CNTN6: variants seen among roughly 807,000 people sequenced by gnomAD.
CNTN6 encodes the protein contactin 6.
CNTN6 carries 137 observed loss-of-function variants against 122.8 expected under a neutral mutation model. The observed-to-expected ratio is 1.12, with a 90% CI of 0.97 to 1.29. The LOEUF is 1.29. CNTN6 is among the 50% of genes most tolerant of loss of function. The pLI is 0.00. For missense variants in CNTN6, 1,634 were observed against 1,223.4 expected (o/e 1.34, Z -5.01); for synonymous variants, 570 against 426.0 (o/e 1.34, Z -4.16).
chr3:1,261,211 C>T (rs2125707474), intron 4 of CNTN6, among the ~76,000 whole-genome samples: 1 of 152,246 alleles, frequency 6.6e-6, no homozygotes, highest in South Asian at 2.1e-4. Context: ...AGCACAATCT[C>T]TTTGGCTTTC....
chr3:1,309,055 T>G (rs1444723987), intron 7 of CNTN6, among the ~76,000 whole-genome samples: 1 of 152,198 alleles, frequency 6.6e-6, no homozygotes, highest in Non-Finnish European at 1.5e-5. Flanking sequence ...ATATGCGTTT[T>G]GCCAATATTT....
intron 1 of CNTN6, among the ~76,000 whole-genome samples, chr3:1,135,004 G>A (rs548461543): frequency 1.4e-3 from 206 of 152,114 alleles, no homozygotes; most frequent in African/African-American, 4.8e-3. Flanking sequence ...AAGGGCTGAG[G>A]AATGAGGTTG....
intron 2 of CNTN6, among the ~76,000 whole-genome samples, chr3:1,186,360 C>T (rs900650992): frequency 6.6e-6 from 1 of 152,040 alleles, no homozygotes; most frequent in Non-Finnish European, 1.5e-5. Context: ...GATGGCTTCA[C>T]ACACTGCAAC....
chr3:1,125,451 G>A (rs1462936466), intron 1 of CNTN6, among the ~76,000 whole-genome samples: 2 of 151,796 alleles, frequency 1.3e-5, no homozygotes, highest in Admixed American at 1.3e-4. Flanking sequence ...AATTGCTGGT[G>A]TTCCCTGGCA....
chr3:1,315,808 C>A lies in CNTN6; in HGVS notation c.762-5842C>A, dbSNP rs1011876739. Among the ~76,000 whole-genome samples, 5 of 151,798 alleles carry A rather than the reference C, an allele frequency of 3.3e-5. No individual in the cohort carries two copies. In the Admixed American group the frequency reaches 3.3e-4, roughly 10 times the overall value. The stretch of plus-strand genomic sequence containing the variant: ...ATGAAGTGAACATGACTACTATGAT[C>A]AAGGTTGTATCTCCATAGCAGCTAG... On this transcript the variant is annotated intron_variant, in intron 7 of 22. Coordinates refer to ENST00000446702, the MANE Select transcript of CNTN6 (RefSeq NM_001289080.2).
chr3:1,267,562 T>A (rs2094946103), intron 4 of CNTN6, among the ~76,000 whole-genome samples: 1 of 152,178 alleles, frequency 6.6e-6, no homozygotes, highest in Non-Finnish European at 1.5e-5. Context: ...CCATCAAATA[T>A]TTAACCAAAA....
At chr3:1,351,474 C>T (rs958504917) in intron 11 of CNTN6, among the ~76,000 whole-genome samples, 2 of 150,784 alleles carry the variant, frequency 1.3e-5, no homozygotes, top group South Asian at 2.1e-4. Context: ...TAAAATTGGA[C>T]GAATATTTTT....
chr3:1,282,473 G>A (rs1163076869), intron 5 of CNTN6, among the ~76,000 whole-genome samples: 1 of 152,212 alleles, frequency 6.6e-6, no homozygotes, highest in Admixed American at 6.5e-5. Flanking sequence ...AATCTGAGTG[G>A]AGGAGTATAT....
intron 1 of CNTN6, among the ~76,000 whole-genome samples, chr3:1,109,414 C>CA (rs1214546414): frequency 2.0e-5 from 3 of 151,572 alleles, no homozygotes; most frequent in Non-Finnish European, 2.9e-5. Flanking sequence ...TTTACCAAGG[C>CA]AAAAAAGAAA....
intron 17 of CNTN6, among the ~76,000 whole-genome samples, chr3:1,379,561 G>A (rs928538092): frequency 2.6e-5 from 4 of 151,848 alleles, no homozygotes; most frequent in Admixed American, 6.6e-5. Context: ...ATGTACCCCC[G>A]AATCTAAAAT....
intron 2 of CNTN6, among the ~76,000 whole-genome samples, chr3:1,157,597 TCTAA>T (rs2093004020): frequency 6.6e-6 from 1 of 152,184 alleles, no homozygotes; most frequent in African/African-American, 2.4e-5. Context: ...TTTTATTTTT[TCTAA>T]CTTTTATTTT....
chr3:1,187,648 C>A (rs1315264177), intron 2 of CNTN6, among the ~76,000 whole-genome samples: 2 of 152,160 alleles, frequency 1.3e-5, no homozygotes, highest in Admixed American at 1.3e-4. Context: ...TGCCCCTACC[C>A]AAAATTTGCT....
At chr3:1,160,484 C>T (rs529486734) in intron 2 of CNTN6, among the ~76,000 whole-genome samples, 10 of 151,100 alleles carry the variant, frequency 6.6e-5, no homozygotes, top group Non-Finnish European at 1.3e-4. Flanking sequence ...TTTGCTTACT[C>T]TCATTGCTGG....
At chr3:1,279,218 GT>G (rs1263545221) in intron 5 of CNTN6, among the ~76,000 whole-genome samples, 1 of 152,206 alleles carries the variant, frequency 6.6e-6, no homozygotes, top group Non-Finnish European at 1.5e-5. Context: ...CTGGCCCGTT[GT>G]CAGGGATCCA....
intron 2 of CNTN6, among the ~76,000 whole-genome samples, chr3:1,174,738 C>T (rs2093417800): frequency 6.6e-6 from 1 of 152,158 alleles, no homozygotes; most frequent in Admixed American, 6.6e-5. Context: ...GTGGCTGACA[C>T]ATAGGAAGAA....
At chr3:1,352,936 G>GA (rs1705893877) in intron 12 of CNTN6, among the ~76,000 whole-genome samples, 1 of 151,628 alleles carries the variant, frequency 6.6e-6, no homozygotes, top group Non-Finnish European at 1.5e-5. Context: ...TTTTCAAAGA[G>GA]AAAAAATTAA....
chr3:1,165,993 A>G (rs748249116), intron 2 of CNTN6, among the ~76,000 whole-genome samples: 13 of 152,266 alleles, frequency 8.5e-5, no homozygotes, highest in Non-Finnish European at 1.2e-4. Context: ...TTACCCACAG[A>G]AAGTCTCCCT....
intron 4 of CNTN6, among the ~76,000 whole-genome samples, chr3:1,270,618 C>A (rs1211392484): frequency 6.6e-6 from 1 of 152,142 alleles, no homozygotes; most frequent in Non-Finnish European, 1.5e-5. Context: ...CTTGTTTACT[C>A]CAGAACCAGC....
rs6808056 is a variant in CNTN6, at chr3:1,278,503, T to C, written c.449T>C (p.Phe150Ser). 3.5e-3 allele frequency: 5,566 copies of C among 1,610,972 alleles called. 131 individuals are homozygous for C. In the African/African-American group the frequency reaches 0.052, roughly 15 times the overall value. Residue 150 changes from phenylalanine to serine, a missense_variant, in exon 5 of 23, where the codon TTT (phenylalanine) becomes TCT (serine). Phe to Ser is a radical substitution (Grantham distance 155). Transcript: ENST00000446702. ...CTTCTCTGTGGCCCACCGCCACATT[T>C]TGGAGGTATGATGGGGTGATTTGGG... ...VVLLCGPPPH[F>S]GDLSYAWTFN...
Sources: gnomAD v4.1 joint callset for allele counts (sites outside exome capture counted in the v4.1 genomes callset) on GRCh38, gnomAD v4.1.1 for gene constraint, MANE v1.5 for transcripts, NCBI Gene and HGNC (gene_info 2026-07-23, HGNC 2026-07-21) for gene names.